The following HIVEP3 variants were observed in gnomAD, a reference collection of about 807,000 sequenced individuals.
HIVEP3 encodes transcription factor HIVEP3.
In HIVEP3, 49 loss-of-function variants were observed where a neutral mutation model predicts 152.8. The ratio of observed to expected loss-of-function variants is 0.32; its 90% CI spans 0.26 to 0.41. The LOEUF is 0.41. HIVEP3 is among the 10% of genes least tolerant of loss of function. The probability of loss-of-function intolerance (pLI) is 1.00; values close to 1 mark genes in which losing one functional copy is unlikely to be tolerated. For missense variants in HIVEP3, 2,790 were observed against 3,103.3 expected, an observed-to-expected ratio of 0.90 and a Z score of 2.40; for synonymous variants, 1,269 against 1,289.0, an observed-to-expected ratio of 0.98 and a Z score of 0.33.
At chr1:41,753,305 C>G (rs1292344579) in intron 1 of HIVEP3, among the ~76,000 whole-genome samples, 2 of 152,142 alleles carry the variant, frequency 1.3e-5, no homozygotes, top group Non-Finnish European at 2.9e-5. Flanking sequence ...AGGAAATAAT[C>G]ATGACTGTGT....
intron 1 of HIVEP3, among the ~76,000 whole-genome samples, chr1:41,735,677 G>A (rs1276296143): frequency 6.6e-6 from 1 of 152,090 alleles, no homozygotes; most frequent in Non-Finnish European, 1.5e-5. Context: ...GGCATTGCTG[G>A]GGAATTAAAC....
At chr1:41,825,016 G>C in intron 1 of HIVEP3, among the ~76,000 whole-genome samples, 1 of 151,918 alleles carries the variant, frequency 6.6e-6, no homozygotes, top group East Asian at 1.9e-4. Flanking sequence ...GGGATTACAG[G>C]TGTTACCCAT....
chr1:41,696,212 GTC>G (rs748657406), intron 2 of HIVEP3, among the ~76,000 whole-genome samples: 18 of 152,372 alleles, frequency 1.2e-4, no homozygotes, highest in Admixed American at 3.3e-4. Context: ...GTCTTGGGAA[GTC>G]TCTCTCAGCT....
chr1:41,881,724 A>G (rs1437514165), intron 1 of HIVEP3, among the ~76,000 whole-genome samples: 1 of 152,242 alleles, frequency 6.6e-6, no homozygotes, highest in Admixed American at 6.5e-5. Flanking sequence ...GAGAAGGACC[A>G]TACACTCAGC....
intron 1 of HIVEP3, among the ~76,000 whole-genome samples, chr1:41,748,645 C>T (rs1390427123): frequency 1.3e-5 from 2 of 152,200 alleles, no homozygotes; most frequent in East Asian, 1.9e-4. Context: ...AGCTCTATGG[C>T]GTTGATACTA....
At chr1:41,605,539 G>A in intron 3 of HIVEP3, among the ~76,000 whole-genome samples, 1 of 151,906 alleles carries the variant, frequency 6.6e-6, no homozygotes, top group East Asian at 1.9e-4. Flanking sequence ...AAGCTTATAG[G>A]GAAAGAGAAA....
At chr1:41,981,522 C>T (rs1335178948) in intron 1 of HIVEP3, among the ~76,000 whole-genome samples, 2 of 152,262 alleles carry the variant, frequency 1.3e-5, no homozygotes, top group South Asian at 2.1e-4. Context: ...GCCACGTCTT[C>T]CTGCTCTGCA....
rs56969476 is a variant in HIVEP3 at position 41,561,679 on chromosome 1, A to ATTTT, written c.5207+13861_5207+13864dup. Reference sequence around the variant, plus strand: ...AGGCACACACTACCATGCCCAGCTAATTTTTTTTTTTTTTTTGTAGAGACA... The same window carrying ATTTT: ...AGGCACACACTACCATGCCCAGCTAATTTTTTTTTTTTTTTTTTTTGTAGAGACA... On this transcript the variant is annotated intron_variant, in intron 5 of 8. Coordinates refer to ENST00000372583, the MANE Select transcript of HIVEP3 (RefSeq NM_024503.5). 7.9e-5 allele frequency among the ~76,000 whole-genome samples: 10 copies of ATTTT among 127,082 alleles called. 1 individual carries two copies. Among genetic ancestry groups the ATTTT allele is most frequent in the South Asian group, 2.7e-4 (1 of 3,748 alleles). The allele number at this position is 127,082 out of a possible 152,430, so 83.4% of individuals were successfully genotyped here. A position where few individuals can be genotyped will look rare whatever the true frequency, so the allele number is the denominator to read the frequency against.
intron 1 of HIVEP3, among the ~76,000 whole-genome samples, chr1:41,861,376 G>A (rs764881903): frequency 3.3e-5 from 5 of 152,242 alleles, no homozygotes; most frequent in Admixed American, 2.6e-4. Flanking sequence ...TAACCAAGGA[G>A]ATGAGATTCA....
intron 1 of HIVEP3, among the ~76,000 whole-genome samples, chr1:41,764,006 A>C (rs535985714): frequency 6.6e-6 from 1 of 152,290 alleles, no homozygotes; most frequent in South Asian, 2.1e-4. Context: ...CATAAGCAAA[A>C]GCACAGGGCT....
chr1:41,649,532 C>T (rs931170275), intron 2 of HIVEP3, among the ~76,000 whole-genome samples: 26 of 152,092 alleles, frequency 1.7e-4, no homozygotes, highest in African/African-American at 6.0e-4. Flanking sequence ...AGACATGGGC[C>T]GAAGGAAATA....
At chr1:41,592,585 G>A (rs185034867) in intron 3 of HIVEP3, among the ~76,000 whole-genome samples, 2 of 152,112 alleles carry the variant, frequency 1.3e-5, no homozygotes, top group Non-Finnish European at 2.9e-5. Flanking sequence ...AACCCTCCCC[G>A]TGGGACTGAC....
At chr1:41,835,298 C>T (rs986710802) in intron 1 of HIVEP3, among the ~76,000 whole-genome samples, 6 of 152,152 alleles carry the variant, frequency 3.9e-5, no homozygotes, top group African/African-American at 1.4e-4. Flanking sequence ...AAAGTCCCAG[C>T]CAATTAGGTT....
At chr1:41,768,534 G>A (rs2124259714) in intron 1 of HIVEP3, among the ~76,000 whole-genome samples, 1 of 152,354 alleles carries the variant, frequency 6.6e-6, no homozygotes, top group Admixed American at 6.5e-5. Context: ...TAAATTTGTG[G>A]AATTATAAAA....
intron 5 of HIVEP3, among the ~76,000 whole-genome samples, chr1:41,566,698 C>T (rs533078005): frequency 2.0e-5 from 3 of 152,282 alleles, no homozygotes; most frequent in Non-Finnish European, 2.9e-5. Flanking sequence ...TGAATGGGCA[C>T]GTGCCACATG....
At chr1:41,910,203 T>C (rs1644774382) in intron 1 of HIVEP3, among the ~76,000 whole-genome samples, 1 of 151,810 alleles carries the variant, frequency 6.6e-6, no homozygotes, top group South Asian at 2.1e-4. Flanking sequence ...TTAACAAAAT[T>C]ATAGAAGGTA....
chr1:41,601,311 G>T (rs889799778), intron 3 of HIVEP3, among the ~76,000 whole-genome samples: 1 of 152,036 alleles, frequency 6.6e-6, no homozygotes, highest in Non-Finnish European at 1.5e-5. Flanking sequence ...TTTTTATGGG[G>T]GTTTCATTGA....
chr1:41,875,920 C>A (rs1000282188), intron 1 of HIVEP3, among the ~76,000 whole-genome samples: 18 of 152,188 alleles, frequency 1.2e-4, no homozygotes, highest in African/African-American at 4.3e-4. Context: ...CTCTCCCCCA[C>A]CGGGATGCAA....
intron 1 of HIVEP3, among the ~76,000 whole-genome samples, chr1:42,016,618 C>T (rs1645524619): frequency 6.6e-6 from 1 of 151,314 alleles, no homozygotes; most frequent in Non-Finnish European, 1.5e-5. Context: ...GTATATTTTC[C>T]CAGAATTTTC....
Sources: gnomAD v4.1 joint callset for allele counts (sites outside exome capture counted in the v4.1 genomes callset) on GRCh38, gnomAD v4.1.1 for gene constraint, MANE v1.5 for transcripts, NCBI Gene and HGNC (gene_info 2026-07-23, HGNC 2026-07-21) for gene names.